Variants in DCHS1 observed in about 807,000 individuals in gnomAD.
The protein encoded by DCHS1 is dachsous cadherin-related 1.
Under a neutral mutation model 213.9 loss-of-function variants are expected in DCHS1, and 78 were observed. The observed-to-expected ratio is 0.36, with a 90% confidence interval of 0.30 to 0.44. The LOEUF (loss-of-function observed/expected upper bound fraction) is 0.44. DCHS1 is among the 20% of genes least tolerant of loss of function. The pLI is 1.00. For synonymous variants in DCHS1, 1,828 were observed against 1,873.7 expected, an observed-to-expected ratio of 0.98 and a Z score of 0.63; for missense variants, 3,946 against 4,395.9, an observed-to-expected ratio of 0.90 and a Z score of 2.89.
chr11:6,630,156 G>C lies in DCHS1; in HGVS notation c.4638C>G (p.Phe1546Leu). 1 of 1,602,158 alleles carries C rather than the reference G, an allele frequency of 6.2e-7. No homozygotes were observed. Among genetic ancestry groups the C allele is most frequent in the Non-Finnish European group, 8.5e-7 (1 of 1,173,900 alleles). Reference protein sequence around the residue: ...VTDENDNAPVFASPSRVRLPE... With the variant: ...VTDENDNAPVLASPSRVRLPE... ...GGAGGCGCACGCGTGACGGCGAGGC[G>C]AAGACAGGCGCGTTGTCATTCTCAT... The change falls in exon 10 of 21, where the codon TTC (phenylalanine) becomes TTG (leucine). Residue 1546 changes from phenylalanine (F) to leucine (L), a missense_variant. By Grantham distance (22) the Phe-to-Leu change is conservative (BLOSUM62 0). This residue lies in a region of DCHS1 where 3,384 missense variants were observed against 3,780.1 expected (regional missense o/e 0.90). Transcript: ENST00000299441.
rs1456656845 is a variant in DCHS1 at position 6,641,362 on chromosome 11, C to T, written c.252G>A (p.Glu84=). The T allele has an allele frequency of 6.2e-7, 1 of 1,613,544 alleles. No homozygotes were observed. Among genetic ancestry groups the T allele is most frequent in the Non-Finnish European group, 8.5e-7 (1 of 1,179,892 alleles). The change falls in exon 2 of 21, where the codon GAG becomes GAA. Residue 84 remains glutamate (E), a synonymous_variant. Coordinates refer to ENST00000299441, the MANE Select transcript of DCHS1 (RefSeq NM_003737.4). This position sits in a 1 kb window ranked among gnomAD's most constrained non-coding sequence, Gnocchi z 7.1. ...CCAGGTCTGTGCCCACGCCGCTGCC[C>T]TCTTGGGCAGAGATGAAGTACATGA... is the stretch of plus-strand genomic sequence containing the variant. ...APLMYFISAQ[E]GSGVGTDLAI...
In DCHS1 at chr11:6,627,338, C is replaced by T; in HGVS notation, c.5701G>A (p.Ala1901Thr). Residue 1901 changes from alanine to threonine, a missense_variant, in exon 14 of 21, where the codon GCC becomes ACC. Physicochemically the swap from Ala to Thr is moderately conservative, Grantham distance 58 (BLOSUM62 0). Coordinates refer to ENST00000299441, the MANE Select transcript of DCHS1 (RefSeq NM_003737.4). The surrounding 1 kb of genome is among the most constrained non-coding windows in gnomAD (Gnocchi z 5.4). ...TYYLGAGTAGAFLLEPSSGEL... is the reference protein window; with the variant it reads ...TYYLGAGTAGTFLLEPSSGEL... ...CCAGAGCTGGGCTCCAGCAGGAAGG[C>T]TCCTGCTGTACCGGCGCCCAGGTAG... 6.2e-7 allele frequency: 1 copy of T among 1,609,496 alleles called. No individual in the cohort carries two copies. Among genetic ancestry groups the T allele is most frequent in the Non-Finnish European group, 8.5e-7 (1 of 1,177,976 alleles).
In DCHS1 at chr11:6,633,583, C is replaced by A. The variant is rs1163653289; in HGVS notation, c.2284G>T (p.Ala762Ser). ...GCCTGTAGGCCACCTCCGTCCTCAG[C>A]CCCGATCTCCAGCTGCACCACAGAA... ...ANSVVQLEIG[A>S]EDGGGLQAEP... Residue 762 changes from alanine to serine, a missense_variant, in exon 5 of 21, where the codon GCT (alanine) becomes TCT (serine). Coordinates refer to ENST00000299441, the MANE Select transcript of DCHS1 (RefSeq NM_003737.4). 6.3e-7 allele frequency: 1 copy of A among 1,595,272 alleles called. No individual in the cohort carries two copies. The highest frequency in any genetic ancestry group is 8.5e-7 in the Non-Finnish European group (1 of 1,170,784).
Position 6,621,923 on chromosome 11 carries a change from G to A in DCHS1, c.9753C>T (p.Ser3251=). 6.2e-7 allele frequency: 1 copy of A among 1,613,474 alleles called. No individual in the cohort carries two copies. Among genetic ancestry groups the A allele is most frequent in the Non-Finnish European group, 8.5e-7 (1 of 1,179,700 alleles). Reference sequence around the variant, plus strand: ...GAGACAGAGAGGGTGAGAAGCTGGGGGACATGGCAGCTGAGGACAGGGAGC... The same window carrying A: ...GAGACAGAGAGGGTGAGAAGCTGGGAGACATGGCAGCTGAGGACAGGGAGC... The part of the protein sequence containing the change: ...HEGSLSSAAM[S]PSFSPSLSPL... Residue 3251 remains serine, a synonymous_variant, in exon 21 of 21, where the codon TCC becomes TCT. Coordinates refer to ENST00000299441, the MANE Select transcript of DCHS1 (RefSeq NM_003737.4).
intron 2 of DCHS1, among the ~76,000 whole-genome samples, chr11:6,638,448 G>A (rs185249365): frequency 8.9e-4 from 135 of 152,204 alleles, no homozygotes; most frequent in African/African-American, 3.1e-3. Context: ...CATCTCCCCC[G>A]ACTCTTTCTC....
At position 6,621,972 on chromosome 11, in the gene DCHS1, T is replaced by C; in HGVS notation, c.9704A>G (p.His3235Arg). 2 of 1,612,574 alleles carry C rather than the reference T, an allele frequency of 1.2e-6. No homozygotes were observed. The highest frequency in any genetic ancestry group is 1.7e-6 in the Non-Finnish European group (2 of 1,179,620). ...GCCTTCATGGCTGATGGGGGAGCGG[T>C]GAGAAGCTGGTGGGAAGATGGCCCG... is the stretch of plus-strand genomic sequence containing the variant. ...AARAIFPPAS[H>R]RSPISHEGSL... The change falls in exon 21 of 21, where the codon CAC becomes CGC. Residue 3235 changes from histidine (H) to arginine (R), a missense_variant. Physicochemically the swap from His to Arg is conservative, Grantham distance 29. Transcript: ENST00000299441.
rs529671660 is a variant in DCHS1, at chr11:6,640,970, C to G, written c.644G>C (p.Arg215Pro). 1 of 1,614,002 alleles carries G rather than the reference C, an allele frequency of 6.2e-7. No homozygotes were observed. Among genetic ancestry groups the G allele is most frequent in the Admixed American group, 1.7e-5 (1 of 60,032 alleles). ...PELVVTGELD[R>P]ENRSHYMLQL... ...TAGCATATAGTGTGAGCGGTTCTCTCGGTCCAGTTCCCCAGTAACTACCAG... is the reference window on the plus strand; with the variant it reads ...TAGCATATAGTGTGAGCGGTTCTCTGGGTCCAGTTCCCCAGTAACTACCAG... Residue 215 changes from arginine (R) to proline (P), a missense_variant, in exon 2 of 21, where the codon CGA becomes CCA. Transcript: ENST00000299441. This position sits in a 1 kb window ranked among gnomAD's most constrained non-coding sequence, Gnocchi z 6.5.
Position 6,630,659 on chromosome 11 carries a change from A to G in DCHS1, c.4135T>C (p.Phe1379Leu), listed in dbSNP as rs767083118. 7.2e-6 allele frequency: 11 copies of G among 1,536,424 alleles called. No homozygotes were observed. The East Asian group carries it at 2.4e-4, about 34-fold the overall frequency. ...LVGGADPEGT[F>L]ALDAASGRLY... Reference sequence around the variant, plus strand: ...CGCCCTGAGGCCGCATCCAGCGCGAAGGTGCCCTCGGGATCGGCACCGCCC... The same window carrying G: ...CGCCCTGAGGCCGCATCCAGCGCGAGGGTGCCCTCGGGATCGGCACCGCCC... Residue 1379 changes from phenylalanine (F) to leucine (L), a missense_variant, in exon 10 of 21, where the codon TTC becomes CTC. Around this residue, in one of 3 missense-constraint regions of DCHS1, gnomAD observed 3,384 missense variants for 3,780.1 expected, o/e 0.90. Coordinates refer to ENST00000299441, the MANE Select transcript of DCHS1 (RefSeq NM_003737.4).
In DCHS1 at chr11:6,628,696, G is replaced by A. The variant is rs769759550; in HGVS notation, c.5296C>T (p.Pro1766Ser). The A allele has an allele frequency of 1.9e-6, 3 of 1,614,010 alleles. No homozygotes were observed. Among genetic ancestry groups the A allele is most frequent in the East Asian group, 4.5e-5 (2 of 44,878 alleles). ...GCCCGAAGCATGGTAAGGGTCTGGG[G>A]GTCCTGGCCCTCAGGCACCTCCAGA... ...LSLEVPEGQD[P>S]QTLTMLRASD... The change falls in exon 13 of 21, where the codon CCC (proline) becomes TCC (serine). Residue 1766 changes from proline to serine, a missense_variant. By Grantham distance (74) the Pro-to-Ser change is moderately conservative. Transcript: ENST00000299441. The surrounding 1 kb of genome is among the most constrained non-coding windows in gnomAD (Gnocchi z 4.3).
At chr11:6,652,401 T>G (rs1399950967) in intron 1 of DCHS1, among the ~76,000 whole-genome samples, 1 of 152,218 alleles carries the variant, frequency 6.6e-6, no homozygotes, top group Admixed American at 6.5e-5. Context: ...GGAACAGCTA[T>G]ATGCAGAAGA....
intron 1 of DCHS1, among the ~76,000 whole-genome samples, chr11:6,650,532 T>TA (rs1856228584): frequency 6.6e-6 from 1 of 152,152 alleles, no homozygotes; most frequent in African/African-American, 2.4e-5. Flanking sequence ...TTGCCTCTGT[T>TA]ACCACTGACA....
rs183354362 is a variant in DCHS1 at position 6,638,787 on chromosome 11, C to T, written c.1797+1030G>A. ...AATCTTGAACATATGAATCAAGGAACGATCTGTCACACACCTGCTGATCCA... is the reference window on the plus strand; with the variant it reads ...AATCTTGAACATATGAATCAAGGAATGATCTGTCACACACCTGCTGATCCA... On this transcript the variant is annotated intron_variant, in intron 2 of 20. Transcript: ENST00000299441. 5.3e-5 allele frequency among the ~76,000 whole-genome samples: 8 copies of T among 152,244 alleles called. No individual in the cohort carries two copies. In the East Asian group the frequency reaches 7.7e-4, roughly 15 times the overall value.
chr11:6,645,679 T>C (rs1032339841), intron 1 of DCHS1, among the ~76,000 whole-genome samples: 2 of 152,196 alleles, frequency 1.3e-5, no homozygotes, highest in African/African-American at 2.4e-5. Context: ...TCCAGGCAGA[T>C]GCCCTGTGTG....
chr11:6,626,229 C>G lies in DCHS1; in HGVS notation c.6516G>C (p.Leu2172=). 6.2e-7 allele frequency: 1 copy of G among 1,611,996 alleles called. No homozygotes were observed. The highest frequency in any genetic ancestry group is 8.5e-7 in the Non-Finnish European group (1 of 1,179,084). Reference sequence around the variant, plus strand: ...GAAGGAAGGCCACATAATGGGGCCGCAGGAAACGGGGAGCATTGTCGTTGG... The same window carrying G: ...GAAGGAAGGCCACATAATGGGGCCGGAGGAAACGGGGAGCATTGTCGTTGG... ...QDANDNAPRF[L]RPHYVAFLPE... Residue 2172 remains leucine (L), a synonymous_variant, in exon 16 of 21, where the codon CTG becomes CTC. Transcript: ENST00000299441. This position sits in a 1 kb window ranked among gnomAD's most constrained non-coding sequence, Gnocchi z 5.2.
chr11:6,652,455 T>C (rs10769703), intron 1 of DCHS1, among the ~76,000 whole-genome samples: 2 of 152,184 alleles, frequency 1.3e-5, no homozygotes, highest in Admixed American at 1.3e-4. Flanking sequence ...AGGAAGCCTC[T>C]TAGTTAACGG....
rs759393849 is a variant in DCHS1, at chr11:6,641,013, C to T, written c.601G>A (p.Gly201Arg). 1.1e-5 allele frequency: 18 copies of T among 1,613,858 alleles called. No homozygotes were observed. The highest frequency in any genetic ancestry group is 1.4e-5 in the Non-Finnish European group (17 of 1,179,898). Residue 201 changes from glycine to arginine, a missense_variant, in exon 2 of 21, where the codon GGG (glycine) becomes AGG (arginine). Gly to Arg is a moderately radical substitution (Grantham distance 125). This residue lies in a region of DCHS1 where 3,384 missense variants were observed against 3,780.1 expected (regional missense o/e 0.90). Transcript: ENST00000299441. The surrounding 1 kb of genome is among the most constrained non-coding windows in gnomAD (Gnocchi z 7.1). ...ACTACCAGCTCAGGTACTGGAGTCCCATCTGGACCGGGGCGTGTCTCCAGC... is the reference window on the plus strand; with the variant it reads ...ACTACCAGCTCAGGTACTGGAGTCCTATCTGGACCGGGGCGTGTCTCCAGC... ...FRLETRPGPD[G>R]TPVPELVVTG...
rs1255901098 is a variant in DCHS1 at position 6,632,734 on chromosome 11, G to A, written c.2778C>T (p.Asn926=). 6.8e-6 allele frequency: 11 copies of A among 1,608,956 alleles called. No homozygotes were observed. Among genetic ancestry groups the A allele is most frequent in the Non-Finnish European group, 2.5e-6 (3 of 1,177,702 alleles). The change falls in exon 6 of 21, where the codon AAC becomes AAT. Residue 926 remains asparagine (N), a synonymous_variant. Transcript: ENST00000299441. This position sits in a 1 kb window ranked among gnomAD's most constrained non-coding sequence, Gnocchi z 5.9. Reference sequence around the variant, plus strand: ...CAAGCAGGGTAAAGGTGACTCGACTGTTAACACCTGAGTCGGGGTCAAGAG... The same window carrying A: ...CAAGCAGGGTAAAGGTGACTCGACTATTAACACCTGAGTCGGGGTCAAGAG... ...LRALDPDSGV[N]SRVTFTLLAG...
In DCHS1 at chr11:6,640,751, C is replaced by T; in HGVS notation, c.863G>A (p.Gly288Glu). 1 of 1,613,988 alleles carries T rather than the reference C, an allele frequency of 6.2e-7. No individual in the cohort carries two copies. The highest frequency in any genetic ancestry group is 8.5e-7 in the Non-Finnish European group (1 of 1,179,890). ...FASDADAGVNGAVTYEINRRQ... is the reference protein window; with the variant it reads ...FASDADAGVNEAVTYEINRRQ... ...CCGGTTGATCTCGTAAGTCACAGCC[C>T]CATTGACACCAGCATCGGCATCAGA... Residue 288 changes from glycine to glutamate, a missense_variant, in exon 2 of 21, where the codon GGG becomes GAG. By Grantham distance (98) the Gly-to-Glu change is moderately conservative. Coordinates refer to ENST00000299441, the MANE Select transcript of DCHS1 (RefSeq NM_003737.4). This position sits in a 1 kb window ranked among gnomAD's most constrained non-coding sequence, Gnocchi z 6.5.
Position 6,622,868 on chromosome 11 carries a change from T to C in DCHS1, c.8808A>G (p.Leu2936=), listed in dbSNP as rs542272752. 3 of 1,597,038 alleles carry C rather than the reference T, an allele frequency of 1.9e-6. No homozygotes were observed. The part of the protein sequence containing the change: ...ALGLAPDLNL[L]LVGAVAASLG... ...AGGAGGCTGCCACGGCCCCTACTAATAGCAGGTTGAGGTCAGGTGCCAGGC... is the reference window on the plus strand; with the variant it reads ...AGGAGGCTGCCACGGCCCCTACTAACAGCAGGTTGAGGTCAGGTGCCAGGC... The change falls in exon 21 of 21, where the codon CTA becomes CTG. Residue 2936 remains leucine (L), a synonymous_variant. Transcript: ENST00000299441. This position sits in a 1 kb window ranked among gnomAD's most constrained non-coding sequence, Gnocchi z 5.4.
Sources: gnomAD v4.1 joint callset for allele counts (sites outside exome capture counted in the v4.1 genomes callset) on GRCh38, gnomAD v4.1.1 for gene constraint, gnomAD v4.1.1 regional missense constraint, Gnocchi (gnomAD v3.1) non-coding constraint, MANE v1.5 for transcripts, NCBI Gene and HGNC (gene_info 2026-07-23, HGNC 2026-07-21) for gene names.